Variants in KCNQ5 observed in about 807,000 individuals in gnomAD.
The protein encoded by KCNQ5 is potassium voltage-gated channel subfamily Q member 5.
KCNQ5 carries 30 observed loss-of-function variants against 98.2 expected under a neutral mutation model. The observed-to-expected ratio is 0.31, with a 90% CI of 0.23 to 0.41. KCNQ5 has a LOEUF of 0.41. Among genes scored for constraint, KCNQ5 ranks in the 10% least tolerant of loss-of-function variants. The pLI is 1.00. For missense variants in KCNQ5, 835 were observed against 1,182.5 expected, an observed-to-expected ratio of 0.71 and a Z score of 4.31; for synonymous variants, 458 against 449.4, an observed-to-expected ratio of 1.02 and a Z score of -0.24.
At chr6:72,872,848 G>T (rs1363981879) in intron 1 of KCNQ5, among the ~76,000 whole-genome samples, 3 of 151,960 alleles carry the variant, frequency 2.0e-5, no homozygotes, top group Non-Finnish European at 4.4e-5. Context: ...AAAAAACCTT[G>T]AAATTGATGT....
chr6:73,087,992 T>C (rs1221808739), intron 5 of KCNQ5, among the ~76,000 whole-genome samples: 1 of 150,920 alleles, frequency 6.6e-6, no homozygotes, highest in African/African-American at 2.4e-5. Context: ...TCAATGCTCA[T>C]TGTCCTTGTT....
At chr6:73,116,687 T>C (rs1432236227) in intron 7 of KCNQ5, among the ~76,000 whole-genome samples, 1 of 151,812 alleles carries the variant, frequency 6.6e-6, no homozygotes, top group Non-Finnish European at 1.5e-5. Flanking sequence ...AAAATAATAA[T>C]AATAATAAAT....
At chr6:73,191,793 A>C (rs1765599707) in intron 12 of KCNQ5, among the ~76,000 whole-genome samples, 1 of 152,234 alleles carries the variant, frequency 6.6e-6, no homozygotes, top group Non-Finnish European at 1.5e-5. Flanking sequence ...ATTAGATGTC[A>C]TGGCAGGAAG....
intron 1 of KCNQ5, among the ~76,000 whole-genome samples, chr6:72,785,143 C>T (rs771617686): frequency 1.3e-5 from 2 of 152,106 alleles, no homozygotes; most frequent in Non-Finnish European, 2.9e-5. Flanking sequence ...TCTCTTATAT[C>T]GTTGAAGACA....
intron 1 of KCNQ5, among the ~76,000 whole-genome samples, chr6:72,661,733 G>A (rs945507969): frequency 3.3e-5 from 5 of 152,026 alleles, no homozygotes; most frequent in African/African-American, 1.2e-4. Context: ...AGTTTCGTTG[G>A]CTTGTTATTT....
At chr6:72,877,497 G>C (rs958250156) in intron 1 of KCNQ5, among the ~76,000 whole-genome samples, 2 of 151,968 alleles carry the variant, frequency 1.3e-5, no homozygotes, top group African/African-American at 4.8e-5. Context: ...CCATGTCTTT[G>C]CTATTGTAAA....
At chr6:72,881,497 G>C (rs1778633497) in intron 1 of KCNQ5, among the ~76,000 whole-genome samples, 1 of 152,048 alleles carries the variant, frequency 6.6e-6, no homozygotes, top group African/African-American at 2.4e-5. Context: ...CACCAATCAT[G>C]TGACAAGCAT....
At chr6:72,720,194 G>A (rs148677232) in intron 1 of KCNQ5, among the ~76,000 whole-genome samples, 98 of 152,198 alleles carry the variant, frequency 6.4e-4, no homozygotes, top group Middle Eastern at 6.8e-3. Context: ...TATCATCTCC[G>A]TTGCTTTTTA....
intron 5 of KCNQ5, among the ~76,000 whole-genome samples, chr6:73,091,762 G>GTTCT (rs139738338): frequency 3.1e-5 from 1 of 32,190 alleles, no homozygotes; most frequent in Non-Finnish European, 1.3e-4. Context: ...TGGGTTTTTT[G>GTTCT]TTGGTTTATT....
chr6:73,085,535 G>A (rs758972894), intron 5 of KCNQ5, among the ~76,000 whole-genome samples: 1 of 152,180 alleles, frequency 6.6e-6, no homozygotes, highest in Non-Finnish European at 1.5e-5. Context: ...TGGCTGTTCA[G>A]GTCCCTTGCA....
intron 1 of KCNQ5, among the ~76,000 whole-genome samples, chr6:72,716,356 A>T (rs1769645667): frequency 6.6e-6 from 1 of 152,250 alleles, no homozygotes; most frequent in Non-Finnish European, 1.5e-5. Context: ...CATACTTTTT[A>T]TCTGCTTCCT....
intron 1 of KCNQ5, among the ~76,000 whole-genome samples, chr6:72,799,082 TAGAGAGACAGAGAGAGA>T (rs1276514475): frequency 6.6e-6 from 1 of 152,078 alleles, no homozygotes; most frequent in Admixed American, 6.6e-5. Context: ...TTTATTTATA[TAGAGAGACAGAGAGAGA>T]AGAGAGACAG....
chr6:73,097,076 T>G (rs1290628474), intron 5 of KCNQ5, among the ~76,000 whole-genome samples: 1 of 150,230 alleles, frequency 6.7e-6, no homozygotes, highest in African/African-American at 2.4e-5. Flanking sequence ...TGAAATTTAG[T>G]CTTAGTAATT....
chr6:73,104,133 G>T (rs1774909261), intron 5 of KCNQ5, among the ~76,000 whole-genome samples: 1 of 151,930 alleles, frequency 6.6e-6, no homozygotes, highest in Non-Finnish European at 1.5e-5. Context: ...GAAATAAAAG[G>T]CATCCAAATA....
At chr6:72,759,260 A>T (rs1772130556) in intron 1 of KCNQ5, among the ~76,000 whole-genome samples, 1 of 152,166 alleles carries the variant, frequency 6.6e-6, no homozygotes, top group African/African-American at 2.4e-5. Flanking sequence ...CTGATCCATA[A>T]ATTTTTGGAG....
chr6:72,900,882 T>G (rs567827705), intron 1 of KCNQ5, among the ~76,000 whole-genome samples: 258 of 152,280 alleles, frequency 1.7e-3, no homozygotes, highest in African/African-American at 5.8e-3. Flanking sequence ...GGTTTTGATT[T>G]GCATCCCCTG....
At chr6:72,998,473 T>C (rs1013005549) in intron 1 of KCNQ5, among the ~76,000 whole-genome samples, 1 of 152,118 alleles carries the variant, frequency 6.6e-6, no homozygotes. Flanking sequence ...CGGTGGCTCA[T>C]GCCTGTAATT....
chr6:72,881,210 G>A (rs1260144488), intron 1 of KCNQ5, among the ~76,000 whole-genome samples: 1 of 152,148 alleles, frequency 6.6e-6, no homozygotes, highest in African/African-American at 2.4e-5. Flanking sequence ...AAGTTTAGTG[G>A]CTTGCTCATG....
chr6:72,902,154 G>A (rs1192194107), intron 1 of KCNQ5, among the ~76,000 whole-genome samples: 1 of 152,160 alleles, frequency 6.6e-6, no homozygotes, highest in African/African-American at 2.4e-5. Flanking sequence ...GTCGCTGTTG[G>A]TATACAGAAG....
Sources: allele counts gnomAD v4.1 joint callset (sites outside exome capture counted in the v4.1 genomes callset), GRCh38; gene constraint gnomAD v4.1.1; transcripts MANE v1.5; gene names NCBI Gene and HGNC (gene_info 2026-07-23, HGNC 2026-07-21).